VPS13B: variants seen among roughly 807,000 people sequenced by gnomAD.
VPS13B encodes vacuolar protein sorting 13 homolog B.
A neutral mutation model predicts 426.4 loss-of-function variants in VPS13B; 285 were observed. That is an observed-to-expected ratio of 0.67 (90% CI 0.61 to 0.74). The LOEUF (loss-of-function observed/expected upper bound fraction) is 0.74. Among genes scored for constraint, VPS13B ranks in the 30% least tolerant of loss-of-function variants. VPS13B has a pLI of 0.00. For missense variants in VPS13B, 4,537 were observed against 4,782.6 expected (o/e 0.95, Z 1.51); for synonymous variants, 1,676 against 1,676.4 (o/e 1.00, Z 0.01).
intron 58 of VPS13B, among the ~76,000 whole-genome samples, chr8:99,862,248 C>T (rs1181935741): frequency 6.6e-6 from 1 of 152,232 alleles, no homozygotes; most frequent in Non-Finnish European, 1.5e-5. Context: ...AGGACAGCAG[C>T]ATCCAGCTGT....
At chr8:99,215,534 G>A (rs945995366) in intron 17 of VPS13B, among the ~76,000 whole-genome samples, 3 of 152,106 alleles carry the variant, frequency 2.0e-5, no homozygotes, top group African/African-American at 2.4e-5. Context: ...ACATACTTGG[G>A]TCATAAGAGG....
intron 17 of VPS13B, among the ~76,000 whole-genome samples, chr8:99,216,984 A>G (rs1047684666): frequency 2.0e-5 from 3 of 152,180 alleles, no homozygotes; most frequent in African/African-American, 7.2e-5. Flanking sequence ...AGAAGAAAGT[A>G]TCTAAAAAAT....
intron 56 of VPS13B, among the ~76,000 whole-genome samples, chr8:99,858,269 A>G (rs1816654419): frequency 6.6e-6 from 1 of 152,180 alleles, no homozygotes; most frequent in Non-Finnish European, 1.5e-5. Flanking sequence ...CTACAGCCCC[A>G]AATCCCCACC....
chr8:99,429,245 C>G (rs920013568), intron 21 of VPS13B, among the ~76,000 whole-genome samples: 3 of 148,544 alleles, frequency 2.0e-5, no homozygotes, highest in Non-Finnish European at 3.0e-5. Flanking sequence ...CAAACCTGCA[C>G]GTTGTGCACA....
intron 39 of VPS13B, among the ~76,000 whole-genome samples, chr8:99,744,946 T>G (rs1465467982): frequency 1.3e-5 from 2 of 152,012 alleles, no homozygotes; most frequent in Non-Finnish European, 2.9e-5. Flanking sequence ...AATGTGCACA[T>G]GTACCCTAAA....
chr8:99,826,345 G>A (rs1003488886), intron 51 of VPS13B, among the ~76,000 whole-genome samples: 3 of 152,124 alleles, frequency 2.0e-5, no homozygotes, highest in African/African-American at 7.2e-5. Flanking sequence ...GTGAATGGGA[G>A]TTCACTCATG....
chr8:99,689,259 T>A (rs1185186098), intron 35 of VPS13B, among the ~76,000 whole-genome samples: 1 of 150,928 alleles, frequency 6.6e-6, no homozygotes, highest in East Asian at 1.9e-4. Flanking sequence ...TATTTTTACC[T>A]CCTTCAGCAT....
intron 15 of VPS13B, among the ~76,000 whole-genome samples, chr8:99,160,843 G>T (rs79203727): frequency 1.2e-3 from 188 of 152,250 alleles, no homozygotes; most frequent in Non-Finnish European, 2.1e-3. Context: ...TCACCTGCAG[G>T]TGTATATAAA....
At chr8:99,832,051 A>G (rs369791220) in intron 51 of VPS13B, among the ~76,000 whole-genome samples, 41 of 152,282 alleles carry the variant, frequency 2.7e-4, no homozygotes, top group African/African-American at 9.4e-4. Context: ...ACTTGAGGTC[A>G]GGAGTTTGAG....
intron 39 of VPS13B, among the ~76,000 whole-genome samples, chr8:99,740,967 A>G (rs1393652303): frequency 1.3e-5 from 2 of 152,192 alleles, no homozygotes; most frequent in African/African-American, 4.8e-5. Context: ...AAATTCACAC[A>G]TAACAATATT....
At chr8:99,026,450 T>C (rs184452567) in intron 2 of VPS13B, among the ~76,000 whole-genome samples, 111 of 152,324 alleles carry the variant, frequency 7.3e-4, no homozygotes, top group African/African-American at 2.6e-3. Context: ...TCTGTAAATA[T>C]CTGTTAGGTC....
chr8:99,626,374 TGTCTAC>T (rs1828613459), intron 33 of VPS13B, among the ~76,000 whole-genome samples: 1 of 152,198 alleles, frequency 6.6e-6, no homozygotes, highest in African/African-American at 2.4e-5. Flanking sequence ...TTATTTGAAT[TGTCTAC>T]AATAAGCAAG....
intron 16 of VPS13B, among the ~76,000 whole-genome samples, chr8:99,190,224 CT>C (rs1813480729): frequency 6.6e-6 from 1 of 151,988 alleles, no homozygotes; most frequent in Non-Finnish European, 1.5e-5. Context: ...TAATGTGTAA[CT>C]CTTTTTTGAT....
intron 39 of VPS13B, among the ~76,000 whole-genome samples, chr8:99,742,612 A>C (rs894272632): frequency 6.6e-6 from 1 of 152,180 alleles, no homozygotes; most frequent in Non-Finnish European, 1.5e-5. Flanking sequence ...CAGCACATCA[A>C]AAAGCTTATC....
intron 34 of VPS13B, among the ~76,000 whole-genome samples, chr8:99,656,464 C>T (rs1020043352): frequency 6.6e-6 from 1 of 152,212 alleles, no homozygotes; most frequent in African/African-American, 2.4e-5. Flanking sequence ...CTGTTTGTCA[C>T]TCCATTTATA....
intron 31 of VPS13B, among the ~76,000 whole-genome samples, chr8:99,571,187 G>T (rs1825456150): frequency 1.3e-5 from 2 of 152,066 alleles, no homozygotes; most frequent in South Asian, 4.1e-4. Context: ...TGACCCTAAG[G>T]TCATTAACAA....
At chr8:99,771,870 C>T (rs1387674672) in intron 40 of VPS13B, among the ~76,000 whole-genome samples, 1 of 152,232 alleles carries the variant, frequency 6.6e-6, no homozygotes, top group African/African-American at 2.4e-5. Context: ...TCTAGTTACA[C>T]ACTGGTATAA....
intron 19 of VPS13B, among the ~76,000 whole-genome samples, chr8:99,370,829 C>T (rs538474589): frequency 1.3e-5 from 2 of 152,090 alleles, no homozygotes; most frequent in Admixed American, 6.5e-5. Flanking sequence ...AGGCTGGTCT[C>T]GAACTCCTAG....
chr8:99,705,689 G>T (rs973285974), intron 36 of VPS13B, among the ~76,000 whole-genome samples: 2 of 152,102 alleles, frequency 1.3e-5, no homozygotes, highest in Non-Finnish European at 2.9e-5. Context: ...TCATTGTCCT[G>T]TGATAAATAG....
Sources: gnomAD v4.1 joint callset for allele counts (sites outside exome capture counted in the v4.1 genomes callset) on GRCh38, gnomAD v4.1.1 for gene constraint, MANE v1.5 for transcripts, NCBI Gene and HGNC (gene_info 2026-07-23, HGNC 2026-07-21) for gene names.